CALN1: variants seen among roughly 807,000 people sequenced by gnomAD.
CALN1 encodes calcium-binding protein 8.
Under a neutral mutation model 30.6 loss-of-function variants are expected in CALN1, and 17 were observed. The observed-to-expected ratio is 0.56, with a 90% CI of 0.38 to 0.83. The LOEUF is 0.83. Among genes scored for constraint, CALN1 ranks in the 40% least tolerant of loss-of-function variants. CALN1 has a pLI of 0.00. For synonymous variants in CALN1, 156 were observed against 131.4 expected (o/e 1.19, Z -1.28); for missense variants, 291 against 354.9 (o/e 0.82, Z 1.45).
At chr7:71,854,178 C>G (rs976227847) in intron 5 of CALN1, among the ~76,000 whole-genome samples, 1 of 151,940 alleles carries the variant, frequency 6.6e-6, no homozygotes, top group Non-Finnish European at 1.5e-5. Context: ...CACCCCAAAC[C>G]ATTGACAGTG....
At chr7:71,841,007 C>T (rs1789909649) in intron 5 of CALN1, among the ~76,000 whole-genome samples, 1 of 151,824 alleles carries the variant, frequency 6.6e-6, no homozygotes, top group African/African-American at 2.4e-5. Context: ...GCATCTGTCA[C>T]AGAATGATAG....
intron 2 of CALN1, among the ~76,000 whole-genome samples, chr7:72,376,797 G>A (rs1270576325): frequency 6.6e-6 from 1 of 152,170 alleles, no homozygotes; most frequent in East Asian, 1.9e-4. Flanking sequence ...CAAGTCATGA[G>A]ATTTACACCT....
At chr7:72,361,164 CAAGATG>C in intron 2 of CALN1, among the ~76,000 whole-genome samples, 1 of 152,170 alleles carries the variant, frequency 6.6e-6, no homozygotes, top group Non-Finnish European at 1.5e-5. Flanking sequence ...ATGCACAAAT[CAAGATG>C]AAGCATCAAA....
chr7:71,869,079 G>A (rs377068883), intron 5 of CALN1, among the ~76,000 whole-genome samples: 37 of 152,220 alleles, frequency 2.4e-4, no homozygotes, highest in African/African-American at 8.4e-4. Context: ...TACCACAATG[G>A]GGGCAGGGAC....
At chr7:72,216,996 C>T (rs2129548739) in intron 3 of CALN1, among the ~76,000 whole-genome samples, 1 of 152,254 alleles carries the variant, frequency 6.6e-6, no homozygotes, top group South Asian at 2.1e-4. Flanking sequence ...CTCTCACCTC[C>T]CAAAGTGCTG....
the CALN1 span, among the ~76,000 whole-genome samples, chr7:72,486,978 C>T: frequency 1.3e-5 from 2 of 152,144 alleles, no homozygotes; most frequent in African/African-American, 4.8e-5. Flanking sequence ...GCCACATTCA[C>T]GGGAGTATTC....
rs146033969 is a variant in CALN1 at position 71,813,878 on chromosome 7, C to T, written c.502-3386G>A. On this transcript the variant is annotated intron_variant, in intron 5 of 6. Coordinates refer to ENST00000395275, the MANE Select transcript of CALN1 (RefSeq NM_031468.4). ...CACGGGAGGCGGAGCTTGCAGTGAG[C>T]CGACATTGTGTCACTGCACTCCAGC... Among the ~76,000 whole-genome samples, 575 of 149,670 alleles carry T rather than the reference C, an allele frequency of 3.8e-3. 2 individuals carry two copies. The highest frequency in any genetic ancestry group is 0.013 in the African/African-American group (542 of 40,342).
At chr7:72,319,496 C>CGT (rs1239347391) in intron 2 of CALN1, among the ~76,000 whole-genome samples, 1 of 152,184 alleles carries the variant, frequency 6.6e-6, no homozygotes, top group Non-Finnish European at 1.5e-5. Flanking sequence ...CCTCCCACAA[C>CGT]ATGTGGGAAT....
chr7:72,221,459 AG>A (rs1284327742), intron 3 of CALN1, among the ~76,000 whole-genome samples: 21 of 151,974 alleles, frequency 1.4e-4, no homozygotes, highest in Non-Finnish European at 2.5e-4. Context: ...TTGGGATTAC[AG>A]GCACCCGCCA....
chr7:72,307,417 C>G (rs1014934604), intron 2 of CALN1, among the ~76,000 whole-genome samples: 4 of 152,138 alleles, frequency 2.6e-5, no homozygotes, highest in African/African-American at 9.7e-5. Flanking sequence ...GCACACCCTA[C>G]GAAGGCTGAA....
chr7:72,132,551 T>A (rs1043176176), intron 3 of CALN1, among the ~76,000 whole-genome samples: 12 of 152,182 alleles, frequency 7.9e-5, no homozygotes, highest in Non-Finnish European at 1.3e-4. Context: ...AAAAATTATA[T>A]GAAGAATGCC....
chr7:71,968,562 C>G (rs983308533), intron 5 of CALN1, among the ~76,000 whole-genome samples: 1 of 152,040 alleles, frequency 6.6e-6, no homozygotes, highest in African/African-American at 2.4e-5. Flanking sequence ...TCCCAAGAGG[C>G]TGGGATTACA....
chr7:72,148,267 A>T (rs1310869050), intron 3 of CALN1, among the ~76,000 whole-genome samples: 2 of 71,752 alleles, frequency 2.8e-5, no homozygotes, highest in South Asian at 2.7e-4. Flanking sequence ...GGTTGTTTAA[A>T]AAAAAAAAAA....
Position 72,317,393 on chromosome 7 carries a change from G to A in CALN1, c.120-38583C>T, listed in dbSNP as rs998462837. 2.6e-5 allele frequency among the ~76,000 whole-genome samples: 4 copies of A among 152,214 alleles called. No homozygotes were observed. The East Asian group carries it at 7.7e-4, about 29-fold the overall frequency. On this transcript the variant is annotated intron_variant, in intron 2 of 6. Transcript: ENST00000395275. ...CCTGTTAGGTTGGTGAGTCTTACAA[G>A]CCATCATCCCACAGAGGATTTATTC... is the stretch of plus-strand genomic sequence containing the variant.
At chr7:72,391,043 T>G (rs975386424) in intron 2 of CALN1, among the ~76,000 whole-genome samples, 2 of 152,228 alleles carry the variant, frequency 1.3e-5, no homozygotes, top group African/African-American at 4.8e-5. Flanking sequence ...ATTCTCCAGT[T>G]ACTCCCAAGC....
chr7:71,995,518 T>G (rs932386132), intron 5 of CALN1, among the ~76,000 whole-genome samples: 2 of 152,114 alleles, frequency 1.3e-5, no homozygotes, highest in Non-Finnish European at 2.9e-5. Context: ...GATACAAAAC[T>G]AAACACAAGG....
chr7:72,479,552 A>ATTTTTTTTTTTT, the CALN1 span, among the ~76,000 whole-genome samples: 1 of 130,782 alleles, frequency 7.6e-6, no homozygotes, highest in African/African-American at 2.9e-5. Context: ...TTATAGCACA[A>ATTTTTTTTTTTT]TTTTTTTTTT....
chr7:72,387,369 G>A (rs754745958), intron 2 of CALN1, among the ~76,000 whole-genome samples: 1 of 150,856 alleles, frequency 6.6e-6, no homozygotes, highest in Non-Finnish European at 1.5e-5. Context: ...TCATGGAGCA[G>A]GAGCATAACT....
At chr7:71,918,630 G>A (rs1199630117) in intron 5 of CALN1, among the ~76,000 whole-genome samples, 1 of 152,116 alleles carries the variant, frequency 6.6e-6, no homozygotes, top group Non-Finnish European at 1.5e-5. Context: ...AGACAGTGTG[G>A]GAAGCAAAGA....
Sources: gnomAD v4.1 joint callset for allele counts (sites outside exome capture counted in the v4.1 genomes callset) on GRCh38, gnomAD v4.1.1 for gene constraint, MANE v1.5 for transcripts, NCBI Gene and HGNC (gene_info 2026-07-23, HGNC 2026-07-21) for gene names.